The following TCTN1 variants were observed in gnomAD, a reference collection of about 807,000 sequenced individuals.
TCTN1 encodes the protein tectonic family member 1.
Under a neutral mutation model 65.8 loss-of-function variants are expected in TCTN1, and 58 were observed. The observed-to-expected ratio is 0.88, with a 90% CI of 0.71 to 1.10. The LOEUF (loss-of-function observed/expected upper bound fraction) is 1.10, where lower values mean the gene tolerates loss of function less well. Ranked by LOEUF, TCTN1 falls within the 50% of genes least tolerant of loss-of-function variation. The pLI, the probability that TCTN1 is intolerant of heterozygous loss-of-function variation, is 0.00. For missense variants in TCTN1, 645 were observed against 719.4 expected, an observed-to-expected ratio of 0.90 and a Z score of 1.18; for synonymous variants, 273 against 289.1, an observed-to-expected ratio of 0.94 and a Z score of 0.57.
intron 12 of TCTN1, chr12:110,646,631 AG>A (rs2067320468): frequency 6.2e-6 from 1 of 160,494 alleles, no homozygotes; most frequent in Admixed American, 6.1e-5. Context: ...TCGTGGCACC[AG>A]CAGTGTTCCT....
intron 7 of TCTN1, among the ~76,000 whole-genome samples, chr12:110,637,242 G>A (rs1384373034): frequency 2.0e-5 from 3 of 152,208 alleles, no homozygotes; most frequent in African/African-American, 7.2e-5. Context: ...GATGGTAAGC[G>A]TCCGTGCAGA....
At chr12:110,620,001 G>C (rs754103521) in intron 2 of TCTN1, 45 bp downstream of exon 2, 2 of 1,613,838 alleles carry the variant, frequency 1.2e-6, no homozygotes, top group East Asian at 2.2e-5. Flanking sequence ...AATTTGACCA[G>C]GATAATACAA....
At chr12:110,618,453 A>G (rs1227042552) in intron 1 of TCTN1, among the ~76,000 whole-genome samples, 1 of 151,922 alleles carries the variant, frequency 6.6e-6, no homozygotes, top group Non-Finnish European at 1.5e-5. Flanking sequence ...GTTAGCCAGG[A>G]TGGTCTCAAT....
chr12:110,647,564 G>T, intron 13 of TCTN1, 185 bp from the exon 14 acceptor site: 1 of 1,029,506 alleles, frequency 9.7e-7, no homozygotes, highest in South Asian at 1.4e-5. Context: ...TGATATTCAC[G>T]TGTTAATCAG....
intron 2 of TCTN1, 142 bp from the exon 3 acceptor site, chr12:110,626,220 C>G (rs2065832841): frequency 2.0e-6 from 2 of 989,748 alleles, no homozygotes; most frequent in Admixed American, 2.3e-5. Context: ...TCCCAAGTAG[C>G]TGGGACGTCA....
Position 110,645,034 on chromosome 12 carries a change from TTCCCAGATTACGTGGCCCCTTTTG to T in TCTN1, c.1400_1423del (p.Phe467_Gly475delinsTer). On this transcript the variant is annotated stop_gained and inframe_deletion, in exon 12 of 15. Transcript: ENST00000397659. LOFTEE classifies it high-confidence loss of function. ...GAAGAGCCTGCTGTGGGGCCAGGGCTTCCCAGATTACGTGGCCCCTTTTGGAAATTCCCAGGCCCAGGACATGCT... is the reference window on the plus strand; with the variant it reads ...GAAGAGCCTGCTGTGGGGCCAGGGCTGAAATTCCCAGGCCCAGGACATGCT... The T allele has an allele frequency of 6.2e-7, 1 of 1,614,212 alleles. No homozygotes were observed. The highest frequency in any genetic ancestry group is 8.5e-7 in the Non-Finnish European group (1 of 1,180,034).
At chr12:110,637,739 C>A (rs1249444915) in intron 7 of TCTN1, among the ~76,000 whole-genome samples, 1 of 152,222 alleles carries the variant, frequency 6.6e-6, no homozygotes, top group Non-Finnish European at 1.5e-5. Flanking sequence ...TAGCTCTCAC[C>A]TCCCTCCAAC....
At chr12:110,616,093 A>G (rs377172408) in intron 1 of TCTN1, among the ~76,000 whole-genome samples, 2 of 152,290 alleles carry the variant, frequency 1.3e-5, no homozygotes, top group East Asian at 3.9e-4. Flanking sequence ...CTGAAACTCT[A>G]AAGTTTTTGG....
At chr12:110,614,725 G>C (rs2064917421) in intron 1 of TCTN1, among the ~76,000 whole-genome samples, 1 of 152,198 alleles carries the variant, frequency 6.6e-6, no homozygotes, top group Non-Finnish European at 1.5e-5. Flanking sequence ...ATTAAGTCGA[G>C]ACAATGGTGG....
At position 110,640,616 on chromosome 12, in the gene TCTN1, G is replaced by C; in HGVS notation, c.978+99G>C. On this transcript the variant is annotated intron_variant, in intron 8 of 14. Coordinates refer to ENST00000397659, the MANE Select transcript of TCTN1 (RefSeq NM_001082538.3). This position sits in a 1 kb window ranked among gnomAD's most constrained non-coding sequence, Gnocchi z 4.9. The stretch of plus-strand genomic sequence containing the variant: ...CGCCCTCCGAGGACGCTCTGTCCCA[G>C]CCCATGGTGTGGCTTTTCTTGGCTC... 6.4e-7 allele frequency: 1 copy of C among 1,572,512 alleles called. No homozygotes were observed. Among genetic ancestry groups the C allele is most frequent in the East Asian group, 2.2e-5 (1 of 44,610 alleles).
chr12:110,615,925 A>AG (rs1229981364), intron 1 of TCTN1, among the ~76,000 whole-genome samples: 75 of 152,356 alleles, frequency 4.9e-4, no homozygotes, highest in African/African-American at 1.8e-3. Context: ...TCCTTTCTGA[A>AG]TTACGAGTAA....
intron 3 of TCTN1, chr12:110,628,252 A>G: frequency 1.3e-6 from 2 of 1,534,550 alleles, no homozygotes; most frequent in East Asian, 2.4e-5. Flanking sequence ...TTACTTCCCC[A>G]TTATTAGAAG....
At position 110,626,601 on chromosome 12, in the gene TCTN1, A is replaced by T. The variant is rs2065858405; in HGVS notation, c.472+109A>T. 3.1e-5 allele frequency: 38 copies of T among 1,233,764 alleles called. No homozygotes were observed. The South Asian group carries it at 5.0e-4, about 16-fold the overall frequency. 76.4% of individuals were successfully genotyped at this position (1,233,764 alleles called of 1,614,324 possible). A position where few individuals can be genotyped will look rare whatever the true frequency, so the allele number is the denominator to read the frequency against. On this transcript the variant is annotated intron_variant, in intron 3 of 14. Coordinates refer to ENST00000397659, the MANE Select transcript of TCTN1 (RefSeq NM_001082538.3). ...TAATTATGATTATGGTTTTTTTGAG[A>T]CAGAGTCTTGCTCTGTCACCCAGGC... is the stretch of plus-strand genomic sequence containing the variant.
At chr12:110,636,285 G>T in intron 6 of TCTN1, 196 bp from the exon 7 acceptor site, 1 of 511,132 alleles carries the variant, frequency 2.0e-6, no homozygotes, top group Non-Finnish European at 3.6e-6. Flanking sequence ...GAAGGAAAAC[G>T]CAATGTGACC....
intron 3 of TCTN1, among the ~76,000 whole-genome samples, chr12:110,627,479 G>A (rs969024340): frequency 6.6e-6 from 1 of 152,182 alleles, no homozygotes; most frequent in Non-Finnish European, 1.5e-5. Context: ...GTAATAGGAA[G>A]TAACTTTATA....
intron 1 of TCTN1, among the ~76,000 whole-genome samples, 160 bp from the exon 2 acceptor site, chr12:110,619,676 A>G (rs1372433902): frequency 6.6e-6 from 1 of 152,208 alleles, no homozygotes; most frequent in Non-Finnish European, 1.5e-5. Flanking sequence ...GGGATGCTCA[A>G]ACTGACTCAT....
rs2136124880 is a variant in TCTN1, at chr12:110,640,450, CTG to C, written c.912_913del (p.Asp305CysfsTer13). On this transcript the variant is annotated frameshift_variant, in exon 8 of 15. Transcript: ENST00000397659. LOFTEE classifies it high-confidence loss of function. The surrounding 1 kb of genome is among the most constrained non-coding windows in gnomAD (Gnocchi z 4.9). ...AAAACGCTCACCCGACGGGAGGACACTGATGTGCTGCAGCCGACTCTCGTCAA... is the reference window on the plus strand; with the variant it reads ...AAAACGCTCACCCGACGGGAGGACACATGTGCTGCAGCCGACTCTCGTCAA... 4 of 1,614,228 alleles carry C rather than the reference CTG, an allele frequency of 2.5e-6. No individual in the cohort carries two copies. Among genetic ancestry groups the C allele is most frequent in the Non-Finnish European group, 3.4e-6 (4 of 1,180,052 alleles).
At chr12:110,645,259 G>C in intron 12 of TCTN1, 130 bp downstream of exon 12, 1 of 1,252,714 alleles carries the variant, frequency 8.0e-7, no homozygotes, top group Non-Finnish European at 1.1e-6. Context: ...CTGAATCTTG[G>C]ATACTGATTT....
At chr12:110,632,414 A>G in intron 4 of TCTN1, 58 bp from the exon 5 acceptor site, 2 of 1,573,974 alleles carry the variant, frequency 1.3e-6, no homozygotes, top group Non-Finnish European at 1.7e-6. Context: ...GGTGCCCAGT[A>G]AGTGTTGAAT....
Sources: gnomAD v4.1 joint callset for allele counts (sites outside exome capture counted in the v4.1 genomes callset) on GRCh38, gnomAD v4.1.1 for gene constraint, Gnocchi (gnomAD v3.1) non-coding constraint, MANE v1.5 for transcripts, NCBI Gene and HGNC (gene_info 2026-07-23, HGNC 2026-07-21) for gene names.